ANKRD44: variants seen among roughly 807,000 people sequenced by gnomAD.
ANKRD44 encodes serine/threonine-protein phosphatase 6 regulatory ankyrin repeat subunit B.
In ANKRD44, 35 loss-of-function variants were observed where a neutral mutation model predicts 116.0. The ratio of observed to expected loss-of-function variants is 0.30; its 90% CI spans 0.23 to 0.40. The LOEUF is 0.40. Among genes scored for constraint, ANKRD44 ranks in the 10% least tolerant of loss-of-function variants. ANKRD44 has a pLI of 1.00. For synonymous variants in ANKRD44, 435 were observed against 461.8 expected (o/e 0.94, Z 0.74); for missense variants, 1,014 against 1,242.6 (o/e 0.82, Z 2.77).
At chr2:197,219,070 CTTT>C (rs1185156257) in intron 1 of ANKRD44, among the ~76,000 whole-genome samples, 3 of 113,042 alleles carry the variant, frequency 2.7e-5, no homozygotes, top group Non-Finnish European at 1.9e-5. Flanking sequence ...GCTAAAGTTC[CTTT>C]TTTTTTTTTT....
chr2:197,192,610 T>A (rs2125625442), intron 1 of ANKRD44, among the ~76,000 whole-genome samples: 1 of 152,330 alleles, frequency 6.6e-6, no homozygotes, highest in Non-Finnish European at 1.5e-5. Context: ...AGGTAACAAC[T>A]GTTTTTTGTA....
At chr2:196,980,425 A>G (rs2075792555) in intron 21 of ANKRD44, among the ~76,000 whole-genome samples, 2 of 152,260 alleles carry the variant, frequency 1.3e-5, no homozygotes, top group African/African-American at 4.8e-5. Context: ...AAAAAAAGAA[A>G]TTCAAAAGGG....
intron 1 of ANKRD44, among the ~76,000 whole-genome samples, chr2:197,188,993 A>G (rs1007519055): frequency 5.9e-5 from 9 of 152,220 alleles, no homozygotes; most frequent in Non-Finnish European, 1.3e-4. Context: ...TGAAATCACT[A>G]GTGTCACATA....
chr2:197,046,641 C>A (rs200003963), intron 16 of ANKRD44, among the ~76,000 whole-genome samples: 66 of 145,646 alleles, frequency 4.5e-4, no homozygotes, highest in African/African-American at 4.0e-4. Flanking sequence ...GCGAGACTGG[C>A]AAAAAAAAAA....
chr2:196,975,821 GA>G (rs2075756153), intron 21 of ANKRD44, among the ~76,000 whole-genome samples: 2 of 140,856 alleles, frequency 1.4e-5, no homozygotes, highest in East Asian at 2.0e-4. Flanking sequence ...AAGAAAGAAA[GA>G]AAGAAAGAAA....
At chr2:197,178,880 TTAAA>T (rs1481095719) in intron 2 of ANKRD44, among the ~76,000 whole-genome samples, 2 of 152,224 alleles carry the variant, frequency 1.3e-5, no homozygotes, top group African/African-American at 4.8e-5. Context: ...ATGCCATTTA[TTAAA>T]TAATCCATTC....
At chr2:197,307,545 T>C (rs1443785131) in intron 1 of ANKRD44, among the ~76,000 whole-genome samples, 2 of 86,068 alleles carry the variant, frequency 2.3e-5, no homozygotes, top group Non-Finnish European at 4.8e-5. Context: ...GTTCCTTTTT[T>C]ACAGTGAAAA....
rs758145911 is a variant in ANKRD44 at position 197,121,346 on chromosome 2, C to G, written c.892G>C (p.Asp298His). 1 of 1,614,038 alleles carries G rather than the reference C, an allele frequency of 6.2e-7. No homozygotes were observed. The highest frequency in any genetic ancestry group is 8.5e-7 in the Non-Finnish European group (1 of 1,179,996). The change falls in exon 8 of 28, where the codon GAT becomes CAT. Residue 298 changes from aspartate (D) to histidine (H), a missense_variant. Asp to His is a moderately conservative substitution (Grantham distance 81). Transcript: ENST00000282272. Reference protein sequence around the residue: ...CLELLVNNGADVNIQSKDGKS... With the variant: ...CLELLVNNGAHVNIQSKDGKS... ...GAGTGTCATACCTGAATGTTAACAT[C>G]TGCCCCGTTGTTTACTAACAATTCA... is the stretch of plus-strand genomic sequence containing the variant.
rs78142474 is a variant in ANKRD44 at position 197,019,599 on chromosome 2, G to A, written c.1722+5597C>T. 5.3e-3 allele frequency among the ~76,000 whole-genome samples: 802 copies of A among 152,280 alleles called. 1 individual carries two copies. Among genetic ancestry groups the A allele is most frequent in the Non-Finnish European group, 9.1e-3 (617 of 68,006 alleles). On this transcript the variant is annotated intron_variant, in intron 17 of 27. Coordinates refer to ENST00000282272, the MANE Select transcript of ANKRD44 (RefSeq NM_001195144.2). ...CAAAGGTGGACCAGGCTGACTCCCAGAGCCCAAGCTGTGAGGCTTTTCACT... is the reference window on the plus strand; with the variant it reads ...CAAAGGTGGACCAGGCTGACTCCCAAAGCCCAAGCTGTGAGGCTTTTCACT...
downstream of ANKRD44, chr2:196,986,621 T>A (rs556721910): frequency 2.4e-6 from 2 of 837,636 alleles, no homozygotes; most frequent in South Asian, 5.5e-5. Flanking sequence ...TAAATTAGCA[T>A]AATTTAGAAA....
downstream of ANKRD44, among the ~76,000 whole-genome samples, chr2:196,985,069 G>A (rs2075827564): frequency 6.6e-6 from 1 of 152,240 alleles, no homozygotes; most frequent in African/African-American, 2.4e-5. Context: ...CGCCCGCAAG[G>A]CAAGCTGCCA....
chr2:197,020,044 G>C (rs1187453968), intron 17 of ANKRD44, among the ~76,000 whole-genome samples: 1 of 152,060 alleles, frequency 6.6e-6, no homozygotes, highest in Non-Finnish European at 1.5e-5. Context: ...TCAAACTCCT[G>C]GACTCAAGTG....
chr2:197,151,290 C>T (rs545287897), intron 2 of ANKRD44, among the ~76,000 whole-genome samples: 1 of 152,254 alleles, frequency 6.6e-6, no homozygotes, highest in South Asian at 2.1e-4. Context: ...ATAAGACTCA[C>T]GTGGAAACGT....
intron 16 of ANKRD44, among the ~76,000 whole-genome samples, chr2:197,035,334 C>T (rs1559008740): frequency 6.6e-6 from 1 of 152,124 alleles, no homozygotes; most frequent in South Asian, 2.1e-4. Flanking sequence ...TCAAGCTAAT[C>T]TACACCAGTT....
At chr2:197,289,431 G>T (rs1249383202) in intron 1 of ANKRD44, among the ~76,000 whole-genome samples, 3 of 152,144 alleles carry the variant, frequency 2.0e-5, no homozygotes, top group Non-Finnish European at 4.4e-5. Context: ...GAAAAGACTT[G>T]CACATAATTA....
intron 1 of ANKRD44, among the ~76,000 whole-genome samples, chr2:197,254,837 C>T (rs2082409306): frequency 2.0e-5 from 3 of 152,120 alleles, no homozygotes; most frequent in Admixed American, 1.3e-4. Context: ...ATACTCTAGG[C>T]GTATGTACTA....
intron 1 of ANKRD44, among the ~76,000 whole-genome samples, chr2:197,257,450 G>A (rs2082479073): frequency 6.6e-6 from 1 of 151,314 alleles, no homozygotes; most frequent in South Asian, 2.1e-4. Context: ...TAAAACTTCG[G>A]GGAAAAAAAC....
At chr2:197,077,909 A>G (rs1159822538) in intron 16 of ANKRD44, 1 of 152,184 alleles carries the variant, frequency 6.6e-6, no homozygotes, top group African/African-American at 2.4e-5. Flanking sequence ...TCATTTTCAG[A>G]CAAAATTTGT....
intron 1 of ANKRD44, among the ~76,000 whole-genome samples, chr2:197,295,444 TTTAA>T (rs1559228517): frequency 6.6e-6 from 1 of 152,212 alleles, no homozygotes. Context: ...TAGAATTTTG[TTTAA>T]TTTTTATGTG....
Sources: gnomAD v4.1 joint callset for allele counts (sites outside exome capture counted in the v4.1 genomes callset) on GRCh38, gnomAD v4.1.1 for gene constraint, MANE v1.5 for transcripts, NCBI Gene and HGNC (gene_info 2026-07-23, HGNC 2026-07-21) for gene names.